PCDH15: variants seen among roughly 807,000 people sequenced by gnomAD.
The protein encoded by PCDH15 is protocadherin related 15.
PCDH15 carries 129 observed loss-of-function variants against 178.5 expected under a neutral mutation model. That is an observed-to-expected ratio of 0.72 (90% CI 0.63 to 0.84). PCDH15 has a LOEUF of 0.84. Ranked by LOEUF, PCDH15 falls within the 40% of genes least tolerant of loss-of-function variation. The pLI, the probability that PCDH15 is intolerant of heterozygous loss-of-function variation, is 0.00. For synonymous variants in PCDH15, 800 were observed against 732.0 expected, an observed-to-expected ratio of 1.09 and a Z score of -1.50; for missense variants, 2,230 against 2,099.9, an observed-to-expected ratio of 1.06 and a Z score of -1.21.
At chr10:54,828,541 T>C (rs1470857267) in intron 3 of PCDH15, among the ~76,000 whole-genome samples, 1 of 151,978 alleles carries the variant, frequency 6.6e-6, no homozygotes, top group Admixed American at 6.6e-5. Flanking sequence ...AAAAATATAG[T>C]TATAGATAGA....
At chr10:54,027,325 T>C (rs1034766441) in intron 18 of PCDH15, among the ~76,000 whole-genome samples, 1 of 151,296 alleles carries the variant, frequency 6.6e-6, no homozygotes, top group Non-Finnish European at 1.5e-5. Context: ...TCCATGCTCA[T>C]GGATAGGAAG....
At chr10:54,547,350 A>G (rs2085976093) in intron 2 of PCDH15, among the ~76,000 whole-genome samples, 1 of 152,156 alleles carries the variant, frequency 6.6e-6, no homozygotes, top group Non-Finnish European at 1.5e-5. Context: ...AATGTCAAAT[A>G]TATCAGACAC....
intron 2 of PCDH15, among the ~76,000 whole-genome samples, chr10:55,052,293 T>A (rs1564750328): frequency 6.7e-6 from 1 of 148,304 alleles, no homozygotes; most frequent in Non-Finnish European, 1.5e-5. Context: ...GATTTCACCG[T>A]GTTAGCCAGG....
intron 28 of PCDH15, among the ~76,000 whole-genome samples, chr10:53,848,256 A>AG (rs1480559490): frequency 6.6e-6 from 1 of 151,960 alleles, no homozygotes; most frequent in Non-Finnish European, 1.5e-5. Context: ...TATAAAAAAA[A>AG]AAAGAGGAGG....
chr10:55,383,639 G>A (rs892902447), intron 2 of PCDH15, among the ~76,000 whole-genome samples: 1 of 152,238 alleles, frequency 6.6e-6, no homozygotes. Flanking sequence ...TGTTGTCATT[G>A]GCTCTGAAGT....
At chr10:54,088,435 T>C (rs2094549061) in intron 16 of PCDH15, among the ~76,000 whole-genome samples, 1 of 152,218 alleles carries the variant, frequency 6.6e-6, no homozygotes, top group Admixed American at 6.5e-5. Context: ...AACAGTTCTT[T>C]ATGTATTCTT....
At chr10:55,078,456 T>C (rs1299094167) in intron 2 of PCDH15, among the ~76,000 whole-genome samples, 2 of 152,150 alleles carry the variant, frequency 1.3e-5, no homozygotes, top group South Asian at 2.1e-4. Context: ...AATTTGTATA[T>C]GTAGTCACTT....
chr10:54,950,820 G>A lies in PCDH15; in HGVS notation c.-79-53320C>T, dbSNP rs537427489. On this transcript the variant is annotated intron_variant, in intron 2 of 5. Coordinates refer to the PCDH15 transcript ENST00000458638. ...CAATACAAGACAAGATTTTGGGTGGGGACATAGTCAAACTATATCTGTTTA... is the reference window on the plus strand; with the variant it reads ...CAATACAAGACAAGATTTTGGGTGGAGACATAGTCAAACTATATCTGTTTA... 3.3e-5 allele frequency among the ~76,000 whole-genome samples: 5 copies of A among 151,826 alleles called. No homozygotes were observed. The South Asian group carries it at 6.2e-4, about 19-fold the overall frequency.
chr10:54,599,810 C>CA (rs2092440142), intron 2 of PCDH15: 1 of 585,490 alleles, frequency 1.7e-6, no homozygotes, highest in Non-Finnish European at 3.2e-6. Flanking sequence ...AAGGAAGCCT[C>CA]TAGTGAAAAA....
At chr10:55,304,574 C>T (rs1843370005) in intron 1 of PCDH15, among the ~76,000 whole-genome samples, 1 of 152,128 alleles carries the variant, frequency 6.6e-6, no homozygotes, top group Non-Finnish European at 1.5e-5. Flanking sequence ...TTTTGACTCA[C>T]TCCAAACTGC....
rs368312072 is a variant in PCDH15, at chr10:54,947,235, A to T, written c.-79-49735T>A. 2.3e-4 allele frequency among the ~76,000 whole-genome samples: 35 copies of T among 152,030 alleles called. No homozygotes were observed. In the South Asian group the frequency reaches 6.8e-3, roughly 30 times the overall value. ...ACTGTGCTATTAAGGTTTTTGCGTG[A>T]CTTAGCTCATTTAGTCCCTTTAGAA... On this transcript the variant is annotated intron_variant, in intron 2 of 5. Coordinates refer to the PCDH15 transcript ENST00000458638.
intron 3 of PCDH15, among the ~76,000 whole-genome samples, chr10:54,477,879 A>G (rs11004331): frequency 0.057 from 8,713 of 152,276 alleles, 269 homozygotes; most frequent in Middle Eastern, 0.13. Flanking sequence ...TACTGCACTC[A>G]GCCAAATAAA....
chr10:54,837,184 C>A lies in PCDH15; in HGVS notation c.-29+60266G>T, dbSNP rs375152292. Among the ~76,000 whole-genome samples the A allele has an allele frequency of 4.6e-5, 7 of 151,844 alleles. No homozygotes were observed. The East Asian group carries it at 9.7e-4, about 21-fold the overall frequency. On this transcript the variant is annotated intron_variant, in intron 3 of 5. Transcript: ENST00000458638. The stretch of plus-strand genomic sequence containing the variant: ...CTTGAAAGTTTTTCAAAGTTAGAAT[C>A]AAAACTAAAAGTTAGTAGACAATGT...
chr10:54,295,276 GCTCTGTAAAATGGACCAATCAATT>G lies in PCDH15; in HGVS notation c.876+21971_876+21994del, dbSNP rs1401312244. On this transcript the variant is annotated intron_variant, in intron 8 of 37. Transcript: ENST00000644397. ...CATGCTGCAAAATGGACCAATAAGT[GCTCTGTAAAATGGACCAATCAATT>G]CTCTGTAAAATGGACCAATCAGCAC... Among the ~76,000 whole-genome samples the G allele has an allele frequency of 1.6e-3, 242 of 152,196 alleles. 1 individual carries two copies. The highest frequency in any genetic ancestry group is 3.5e-3 in the African/African-American group (146 of 41,548).
chr10:54,809,250 T>C (rs1952825821), intron 3 of PCDH15, among the ~76,000 whole-genome samples: 1 of 152,186 alleles, frequency 6.6e-6, no homozygotes, highest in African/African-American at 2.4e-5. Flanking sequence ...GTTAGTAATA[T>C]CTTCCTAGAT....
At chr10:55,324,711 C>T (rs1056880101) in intron 2 of PCDH15, among the ~76,000 whole-genome samples, 1 of 151,792 alleles carries the variant, frequency 6.6e-6, no homozygotes, top group South Asian at 2.1e-4. Flanking sequence ...TAATTCAGGG[C>T]CTGAACTCAA....
intron 18 of PCDH15, among the ~76,000 whole-genome samples, chr10:54,050,103 C>A (rs1286347298): frequency 4.6e-5 from 7 of 152,122 alleles, no homozygotes; most frequent in African/African-American, 1.7e-4. Context: ...GTCCCTCCTA[C>A]TCGAAGTTTT....
intron 1 of PCDH15, among the ~76,000 whole-genome samples, chr10:55,292,678 G>T (rs1016422932): frequency 6.6e-6 from 1 of 152,066 alleles, no homozygotes; most frequent in Admixed American, 6.6e-5. Context: ...CACCACACCC[G>T]TCCCAGGCAG....
chr10:54,199,909 A>T (rs2050059809), intron 10 of PCDH15, among the ~76,000 whole-genome samples: 1 of 152,182 alleles, frequency 6.6e-6, no homozygotes, highest in African/African-American at 2.4e-5. Flanking sequence ...ACGAGACCAA[A>T]GTAAAACTGA....
Sources: allele counts gnomAD v4.1 joint callset (sites outside exome capture counted in the v4.1 genomes callset), GRCh38; gene constraint gnomAD v4.1.1; transcripts MANE v1.5; gene names NCBI Gene and HGNC (gene_info 2026-07-23, HGNC 2026-07-21).